CDH12: variants seen among roughly 807,000 people sequenced by gnomAD.
The protein encoded by CDH12 is cadherin-12.
A neutral mutation model predicts 74.1 loss-of-function variants in CDH12; 41 were observed. That is an observed-to-expected ratio of 0.55 (90% CI 0.43 to 0.72). The LOEUF is 0.72. Among genes scored for constraint, CDH12 ranks in the 30% least tolerant of loss-of-function variants. The pLI is 0.00. For missense variants in CDH12, 945 were observed against 977.2 expected (o/e 0.97, Z 0.44); for synonymous variants, 399 against 355.0 (o/e 1.12, Z -1.39).
chr5:22,067,584 T>A (rs546972460), intron 5 of CDH12, among the ~76,000 whole-genome samples: 1 of 152,208 alleles, frequency 6.6e-6, no homozygotes, highest in Admixed American at 6.5e-5. Flanking sequence ...GGCTATACGA[T>A]CCAGCAGGTC....
intron 1 of CDH12, among the ~76,000 whole-genome samples, chr5:22,756,971 A>C (rs1328324137): frequency 6.6e-6 from 1 of 152,126 alleles, no homozygotes; most frequent in Non-Finnish European, 1.5e-5. Context: ...AAAAAAAAAA[A>C]AATTAATTGT....
At chr5:21,886,162 G>A (rs1294468599) in intron 6 of CDH12, among the ~76,000 whole-genome samples, 1 of 152,044 alleles carries the variant, frequency 6.6e-6, no homozygotes, top group Non-Finnish European at 1.5e-5. Context: ...TCTATTTAAA[G>A]TGGCTTGTTC....
intron 3 of CDH12, among the ~76,000 whole-genome samples, chr5:22,327,608 T>G (rs895656342): frequency 6.6e-6 from 1 of 152,188 alleles, no homozygotes; most frequent in Non-Finnish European, 1.5e-5. Context: ...TGGAGGGTCA[T>G]AGAGCGCTAG....
intron 3 of CDH12, among the ~76,000 whole-genome samples, chr5:22,327,464 G>GTGTGTGCATC (rs1158019464): frequency 6.8e-6 from 1 of 148,026 alleles, no homozygotes; most frequent in Non-Finnish European, 1.5e-5. Context: ...GTGTGTGTGT[G>GTGTGTGCATC]TGTGTGCATC....
chr5:22,313,573 A>C (rs1738479021), intron 3 of CDH12, among the ~76,000 whole-genome samples: 1 of 152,192 alleles, frequency 6.6e-6, no homozygotes, highest in Non-Finnish European at 1.5e-5. Context: ...ACACTATATA[A>C]ATTTTATTTT....
chr5:21,914,753 T>G (rs1159287838), intron 6 of CDH12, among the ~76,000 whole-genome samples: 2 of 152,204 alleles, frequency 1.3e-5, no homozygotes, highest in Non-Finnish European at 2.9e-5. Context: ...TAAAGTCAAC[T>G]GATAATGGAT....
At chr5:22,632,628 T>C (rs1471897658) in intron 1 of CDH12, among the ~76,000 whole-genome samples, 1 of 151,930 alleles carries the variant, frequency 6.6e-6, no homozygotes, top group Non-Finnish European at 1.5e-5. Context: ...CATAATAATA[T>C]GCAGAAAGAA....
At chr5:22,051,802 T>A (rs557171459) in intron 5 of CDH12, among the ~76,000 whole-genome samples, 45 of 151,300 alleles carry the variant, frequency 3.0e-4, no homozygotes, top group Middle Eastern at 3.4e-3. Flanking sequence ...GTGAAAAGAT[T>A]GAGAAAAAAA....
chr5:22,115,112 G>C (rs1745014653), intron 4 of CDH12, among the ~76,000 whole-genome samples: 1 of 151,886 alleles, frequency 6.6e-6, no homozygotes, highest in Non-Finnish European at 1.5e-5. Context: ...TATTTACATA[G>C]ATGCTATTTG....
intron 1 of CDH12, among the ~76,000 whole-genome samples, chr5:22,663,374 CAA>C (rs1214512501): frequency 6.6e-6 from 1 of 152,124 alleles, no homozygotes; most frequent in East Asian, 1.9e-4. Flanking sequence ...TCACAGCAAT[CAA>C]AGATAAAAAT....
At chr5:21,926,315 T>C (rs540246860) in intron 6 of CDH12, among the ~76,000 whole-genome samples, 1 of 152,350 alleles carries the variant, frequency 6.6e-6, no homozygotes, top group African/African-American at 2.4e-5. Context: ...GCTTAAATTC[T>C]GCAGATGAGG....
intron 1 of CDH12, among the ~76,000 whole-genome samples, chr5:22,843,552 C>T (rs1410374325): frequency 6.6e-6 from 1 of 151,810 alleles, no homozygotes; most frequent in Non-Finnish European, 1.5e-5. Flanking sequence ...TTATTACCTT[C>T]TATCAGAAGC....
At chr5:22,182,875 C>T (rs1182271253) in intron 4 of CDH12, among the ~76,000 whole-genome samples, 10 of 151,820 alleles carry the variant, frequency 6.6e-5, no homozygotes. Flanking sequence ...GCTTATAGTG[C>T]CAATAAGAAG....
At chr5:22,266,805 A>G (rs1299542744) in intron 3 of CDH12, among the ~76,000 whole-genome samples, 2 of 152,156 alleles carry the variant, frequency 1.3e-5, no homozygotes, top group East Asian at 1.9e-4. Context: ...AATTGTTTCA[A>G]TTCACTACAT....
chr5:22,414,944 A>T (rs62348982), intron 2 of CDH12, among the ~76,000 whole-genome samples: 2,657 of 152,210 alleles, frequency 0.017, 34 homozygotes, highest in Non-Finnish European at 0.028. Context: ...CTGCTTATTT[A>T]GTAACAAATA....
chr5:22,767,732 G>A (rs192568581), intron 1 of CDH12, among the ~76,000 whole-genome samples: 2 of 151,778 alleles, frequency 1.3e-5, no homozygotes, highest in African/African-American at 4.8e-5. Context: ...TTATACCTAC[G>A]AGTTCTTTCA....
chr5:21,865,252 A>G (rs766041756), intron 6 of CDH12, among the ~76,000 whole-genome samples: 1 of 152,258 alleles, frequency 6.6e-6, no homozygotes, highest in South Asian at 2.1e-4. Flanking sequence ...TAAAGACAGA[A>G]CTTAAAATTA....
At chr5:21,853,515 G>T (rs559431006) in intron 7 of CDH12, among the ~76,000 whole-genome samples, 1 of 151,640 alleles carries the variant, frequency 6.6e-6, no homozygotes, top group Non-Finnish European at 1.5e-5. Context: ...AAGAAATTAA[G>T]AGAGAATGGC....
chr5:22,025,205 CAAAATAT>C (rs1216711655), intron 5 of CDH12, among the ~76,000 whole-genome samples: 4 of 151,944 alleles, frequency 2.6e-5, no homozygotes, highest in African/African-American at 9.7e-5. Flanking sequence ...ATGGCTAACA[CAAAATAT>C]AAATTTCTGG....
Sources: gnomAD v4.1 joint callset for allele counts (sites outside exome capture counted in the v4.1 genomes callset) on GRCh38, gnomAD v4.1.1 for gene constraint, MANE v1.5 for transcripts, NCBI Gene and HGNC (gene_info 2026-07-23, HGNC 2026-07-21) for gene names.